COL5A3: variants seen among roughly 807,000 people sequenced by gnomAD.
COL5A3 encodes collagen type V alpha 3 chain.
A neutral mutation model predicts 250.0 loss-of-function variants in COL5A3; 172 were observed. That is an observed-to-expected ratio of 0.69 (90% CI 0.61 to 0.78). COL5A3 has a LOEUF of 0.78. Among genes scored for constraint, COL5A3 ranks in the 30% least tolerant of loss-of-function variants. COL5A3 has a pLI of 0.00. For synonymous variants in COL5A3, 937 were observed against 900.4 expected, an observed-to-expected ratio of 1.04 and a Z score of -0.73; for missense variants, 2,340 against 2,334.4, an observed-to-expected ratio of 1.00 and a Z score of -0.05.
intron 15 of COL5A3, chr19:9,995,849 G>T (rs907058468): frequency 7.1e-6 from 4 of 566,814 alleles, no homozygotes; most frequent in Non-Finnish European, 1.2e-5. Flanking sequence ...TCCCTATGTT[G>T]CCCAGACTGG....
chr19:9,990,694 C>A (rs2087176224), intron 24 of COL5A3, among the ~76,000 whole-genome samples: 1 of 151,920 alleles, frequency 6.6e-6, no homozygotes, highest in African/African-American at 2.4e-5. Context: ...TCCCGAGTAG[C>A]TGGGACTACA....
Position 9,986,561 on chromosome 19 carries a change from C to A in COL5A3, c.2236G>T (p.Gly746Cys). The A allele has an allele frequency of 6.2e-7, 1 of 1,614,034 alleles. No individual in the cohort carries two copies. The highest frequency in any genetic ancestry group is 8.5e-7 in the Non-Finnish European group (1 of 1,180,002). The stretch of plus-strand genomic sequence containing the variant: ...TCTGGAGCTGGTCTTACCTGATCAC[C>A]TTTGAGCCCCACATCGCCCTTGAAG... Reference protein sequence around the residue: ...PGFKGDVGLKGDQGKPGAPGP... With the variant: ...PGFKGDVGLKCDQGKPGAPGP... Residue 746 changes from glycine (G) to cysteine (C), a missense_variant, in exon 29 of 67, where the codon GGT becomes TGT. Gly to Cys is a radical substitution (Grantham distance 159). Coordinates refer to ENST00000264828, the MANE Select transcript of COL5A3 (RefSeq NM_015719.4).
chr19:9,963,058 C>G (rs1046218057), intron 64 of COL5A3, among the ~76,000 whole-genome samples, 171 bp from the exon 65 acceptor site: 5 of 152,128 alleles, frequency 3.3e-5, no homozygotes, highest in African/African-American at 9.7e-5. Flanking sequence ...GTTCATGCCC[C>G]TGAGGCAGCC....
At chr19:9,971,104 G>C in intron 52 of COL5A3, 76 bp from the exon 53 acceptor site, 1 of 1,425,782 alleles carries the variant, frequency 7.0e-7, no homozygotes, top group South Asian at 1.4e-5. Flanking sequence ...GGAGGCAAAA[G>C]AACGTTTTTG....
intron 32 of COL5A3, 34 bp from the exon 33 acceptor site, chr19:9,981,166 G>A (rs758260483): frequency 3.7e-6 from 6 of 1,605,436 alleles, no homozygotes; most frequent in Admixed American, 1.7e-5. Flanking sequence ...AAGCAGAAGA[G>A]AGTTAGGGTG....
chr19:9,960,755 C>G lies in COL5A3; in HGVS notation c.4987G>C (p.Gly1663Arg). Residue 1663 changes from glycine to arginine, a missense_variant, in exon 66 of 67, where the codon GGT becomes CGT. Transcript: ENST00000264828. ...NAAAWLDEAT[G>R]DYSHSARFLG... ...AAGCGGGCGGAGTGGCTGTAGTCAC[C>G]CGTGGCTTCGTCCAGCCAGGCAGCT... The G allele has an allele frequency of 5.0e-6, 8 of 1,614,048 alleles. No homozygotes were observed. The highest frequency in any genetic ancestry group is 6.8e-6 in the Non-Finnish European group (8 of 1,180,020).
At chr19:10,002,410 A>C (rs2087377294) in intron 6 of COL5A3, among the ~76,000 whole-genome samples, 1 of 151,794 alleles carries the variant, frequency 6.6e-6, no homozygotes, top group Admixed American at 6.6e-5. Flanking sequence ...GATGTAGTGC[A>C]ACCAGTGACT....
chr19:9,992,418 A>AT (rs2087207893), intron 21 of COL5A3, among the ~76,000 whole-genome samples: 1 of 149,914 alleles, frequency 6.7e-6, no homozygotes, highest in Admixed American at 6.7e-5. Flanking sequence ...TAAAAAAAAA[A>AT]AGAAAGAAAG....
At chr19:9,974,103 T>C in intron 47 of COL5A3, 68 bp downstream of exon 47, 1 of 1,558,602 alleles carries the variant, frequency 6.4e-7, no homozygotes. Context: ...CTCAAATGAA[T>C]CTAATGCCTG....
rs996095172 is a variant in COL5A3 at position 9,960,253 on chromosome 19, C to T, written c.*158G>A. 6.5e-6 allele frequency: 6 copies of T among 920,644 alleles called. No homozygotes were observed. The African/African-American group carries it at 1.0e-4, about 15-fold the overall frequency. 57.0% of individuals were successfully genotyped at this position (920,644 alleles called of 1,614,324 possible). ...GGCCAGGGAACCCCAGCCCCCAGCA[C>T]CCTGGAAAGGAGAAGGAATGACTGT... On this transcript the variant is annotated 3_prime_UTR_variant, in exon 67 of 67. Coordinates refer to ENST00000264828, the MANE Select transcript of COL5A3 (RefSeq NM_015719.4).
intron 55 of COL5A3, 34 bp downstream of exon 55, chr19:9,969,835 T>C (rs2086803286): frequency 1.2e-6 from 2 of 1,611,998 alleles, no homozygotes. Flanking sequence ...CCTAGAGTAG[T>C]GCAGGGACCC....
rs1260247682 is a variant in COL5A3 at position 9,999,359 on chromosome 19, A to ATT, written c.1111-1212_1111-1211dup. The stretch of plus-strand genomic sequence containing the variant: ...GGTGCACACAGCACCATGCCCAGCT[A>ATT]TTTTTTATTTTATTTTTTTGTAGAG... On this transcript the variant is annotated intron_variant, in intron 8 of 66. Transcript: ENST00000264828. Among the ~76,000 whole-genome samples, 1,272 of 141,304 alleles carry ATT rather than the reference A, an allele frequency of 9.0e-3. 22 individuals are homozygous for ATT. Among genetic ancestry groups the ATT allele is most frequent in the African/African-American group, 0.031 (1,154 of 37,030 alleles). The allele number at this position is 141,304 out of a possible 152,430, so 92.7% of individuals were successfully genotyped here.
At chr19:9,972,143 C>T (rs946147327) in intron 51 of COL5A3, among the ~76,000 whole-genome samples, 1 of 152,122 alleles carries the variant, frequency 6.6e-6, no homozygotes, top group African/African-American at 2.4e-5. Context: ...ATTCATGCAT[C>T]CATTAATTTA....
chr19:9,970,890 G>C lies in COL5A3; in HGVS notation c.3882+85C>G, dbSNP rs1027267421. ...TGCAGGGGCCTTGGGTACCCCACTA[G>C]CCCACTCCCCTGCCCCCCCAATTCA... is the stretch of plus-strand genomic sequence containing the variant. On this transcript the variant is annotated intron_variant, in intron 53 of 66. Coordinates refer to ENST00000264828, the MANE Select transcript of COL5A3 (RefSeq NM_015719.4). The C allele has an allele frequency of 1.9e-5, 24 of 1,274,056 alleles. No homozygotes were observed. The Admixed American group carries it at 2.3e-4, about 12-fold the overall frequency. 78.9% of individuals were successfully genotyped at this position (1,274,056 alleles called of 1,614,324 possible). A position where few individuals can be genotyped will look rare whatever the true frequency, so the allele number is the denominator to read the frequency against.
Position 9,978,970 on chromosome 19 carries a change from C to A in COL5A3, c.2885G>T (p.Gly962Val). 1 of 1,539,368 alleles carries A rather than the reference C, an allele frequency of 6.5e-7. No individual in the cohort carries two copies. The change falls in exon 40 of 67, where the codon GGA (glycine) becomes GTA (valine). Residue 962 changes from glycine (G) to valine (V), a missense_variant. Physicochemically the swap from Gly to Val is moderately radical, Grantham distance 109. Coordinates refer to ENST00000264828, the MANE Select transcript of COL5A3 (RefSeq NM_015719.4). ...EGREGAKGEL[G>V]PPGPLGKEGP... ...TTCTTTCCCAAGGGGTCCTGGTGGT[C>A]CCAGTTCCCCCTACAGGAGTGCAAA...
chr19:9,983,769 G>A (rs1379167389), intron 31 of COL5A3, among the ~76,000 whole-genome samples: 1 of 150,538 alleles, frequency 6.6e-6, no homozygotes, highest in Admixed American at 6.6e-5. Context: ...AGAAAGGAAG[G>A]AAGGAAGAAA....
intron 51 of COL5A3, among the ~76,000 whole-genome samples, chr19:9,971,546 T>TATTCATTCATTCACTCATTCATTC (rs1462801284): frequency 3.3e-5 from 5 of 152,166 alleles, no homozygotes; most frequent in Non-Finnish European, 5.9e-5. Flanking sequence ...TTGATTCGTC[T>TATTCATTCATTCACTCATTCATTC]ATTCATTCAT....
intron 47 of COL5A3, 49 bp downstream of exon 47, chr19:9,974,122 C>A (rs373791616): frequency 1.3e-6 from 2 of 1,595,438 alleles, no homozygotes; most frequent in Non-Finnish European, 1.7e-6. Flanking sequence ...TGCCGCCAAC[C>A]TATAACCCCA....
At position 9,981,149 on chromosome 19, in the gene COL5A3, A is replaced by G; in HGVS notation, c.2461-17T>C. On this transcript the variant is annotated splice_polypyrimidine_tract_variant and intron_variant, in intron 32 of 66. Coordinates refer to ENST00000264828, the MANE Select transcript of COL5A3 (RefSeq NM_015719.4). ...TGTCTTTCCCTGAAAATGAATTGTA[A>G]GAGAGAAAGCAGAAGAGAGTTAGGG... The G allele has an allele frequency of 6.2e-7, 1 of 1,613,462 alleles. No individual in the cohort carries two copies.
Sources: gnomAD v4.1 joint callset for allele counts (sites outside exome capture counted in the v4.1 genomes callset) on GRCh38, gnomAD v4.1.1 for gene constraint, MANE v1.5 for transcripts, NCBI Gene and HGNC (gene_info 2026-07-23, HGNC 2026-07-21) for gene names.